MYH10: variants seen among roughly 807,000 people sequenced by gnomAD.
MYH10 encodes the protein myosin heavy chain 10.
MYH10 carries 55 observed loss-of-function variants against 257.8 expected under a neutral mutation model. That is an observed-to-expected ratio of 0.21 (90% CI 0.17 to 0.27). MYH10 has a LOEUF of 0.27. Among genes scored for constraint, MYH10 ranks in the 10% least tolerant of loss-of-function variants. MYH10 has a pLI of 1.00. For missense variants in MYH10, 1,631 were observed against 2,500.6 expected (o/e 0.65, Z 7.42); for synonymous variants, 854 against 921.7 (o/e 0.93, Z 1.33).
chr17:8,568,190 C>T (rs1483510813), intron 7 of MYH10, among the ~76,000 whole-genome samples: 1 of 152,262 alleles, frequency 6.6e-6, no homozygotes, highest in South Asian at 2.1e-4. Flanking sequence ...GGCACGCAGC[C>T]GAACTTGGGT....
In MYH10 at chr17:8,594,457, C is replaced by G. The variant is rs77008895; in HGVS notation, c.503-5349G>C. On this transcript the variant is annotated intron_variant, in intron 3 of 42. Coordinates refer to ENST00000360416, the MANE Select transcript of MYH10 (RefSeq NM_001256012.3). ...CAAGGGCTAACAAGGATGGCGAACA[C>G]CTGGAATTCATCTATTGCTGGTAGA... 9.2e-3 allele frequency among the ~76,000 whole-genome samples: 1,399 copies of G among 152,252 alleles called. 20 individuals carry two copies. Among genetic ancestry groups the G allele is most frequent in the African/African-American group, 0.03 (1,264 of 41,544 alleles).
In MYH10 at chr17:8,582,114, A is replaced by G. The variant is rs754218497; in HGVS notation, c.531-4776T>C. Among the ~76,000 whole-genome samples the G allele has an allele frequency of 2.6e-4, 40 of 152,340 alleles. No individual in the cohort carries two copies. In the Middle Eastern group the frequency reaches 0.01, roughly 39 times the overall value. ...GATGAAGATGGTAATGGAAATTTTTAAAATCTGATTTTAATGAAGGAGGTG... is the reference window on the plus strand; with the variant it reads ...GATGAAGATGGTAATGGAAATTTTTGAAATCTGATTTTAATGAAGGAGGTG... On this transcript the variant is annotated intron_variant, in intron 4 of 42. Coordinates refer to ENST00000360416, the MANE Select transcript of MYH10 (RefSeq NM_001256012.3).
rs1169804380 is a variant in MYH10, at chr17:8,477,623, G to A, written c.5707-575C>T. ...CGCACACCACCCTCAACTGTGCTCC[G>A]TGTTGCTAGGCCCCAAGGGTGGGGG... On this transcript the variant is annotated intron_variant, in intron 41 of 42. Coordinates refer to ENST00000360416, the MANE Select transcript of MYH10 (RefSeq NM_001256012.3). This position sits in a 1 kb window ranked among gnomAD's most constrained non-coding sequence, Gnocchi z 4.2. 6.6e-6 allele frequency among the ~76,000 whole-genome samples: 1 copy of A among 152,128 alleles called. No individual in the cohort carries two copies. Among genetic ancestry groups the A allele is most frequent in the Non-Finnish European group, 1.5e-5 (1 of 68,024 alleles).
rs1031985824 is a variant in MYH10, at chr17:8,509,947, G to A, written c.2955C>T (p.Asp985=). ...CCTCCTCGTCTAGCTGTTCTTCCAG[G>A]TCCTTGTGAAGAACACACAGTCAGT... is the stretch of plus-strand genomic sequence containing the variant. ...EKKKMQAHIQ[D]LEEQLDEEEG... The change falls in exon 25 of 43, where the codon GAC becomes GAT. Residue 985 remains aspartate, a splice_region_variant and synonymous_variant. Coordinates refer to ENST00000360416, the MANE Select transcript of MYH10 (RefSeq NM_001256012.3). 2.5e-6 allele frequency: 4 copies of A among 1,608,840 alleles called. No individual in the cohort carries two copies. The East Asian group carries it at 6.7e-5, about 27-fold the overall frequency.
chr17:8,494,048 T>C lies in MYH10; in HGVS notation c.4057-163A>G, dbSNP rs571243314. 3.7e-5 allele frequency: 30 copies of C among 812,324 alleles called. No homozygotes were observed. In the South Asian group the frequency reaches 5.3e-4, roughly 14 times the overall value. The allele number at this position is 812,324 out of a possible 1,614,324, so 50.3% of individuals were successfully genotyped here. ...TGATTTAAAAACACACACGATAACT[T>C]TGTAAAAGCTCTTCACACCAACACT... is the stretch of plus-strand genomic sequence containing the variant. On this transcript the variant is annotated intron_variant, in intron 31 of 42. Transcript: ENST00000360416.
At chr17:8,611,035 C>T (rs969848862) in intron 2 of MYH10, among the ~76,000 whole-genome samples, 13 of 152,130 alleles carry the variant, frequency 8.5e-5, no homozygotes, top group African/African-American at 1.7e-4. Flanking sequence ...TCCCAAAACC[C>T]GTTGCTGAGA....
At chr17:8,607,079 C>A (rs893453047) in intron 2 of MYH10, among the ~76,000 whole-genome samples, 2 of 152,180 alleles carry the variant, frequency 1.3e-5, no homozygotes, top group South Asian at 4.1e-4. Flanking sequence ...GGAGAGGCAA[C>A]CTCAATACCT....
chr17:8,516,298 T>A (rs1271047987), intron 21 of MYH10, among the ~76,000 whole-genome samples: 1 of 152,236 alleles, frequency 6.6e-6, no homozygotes, highest in Non-Finnish European at 1.5e-5. Context: ...CTCAAGTTCA[T>A]GGATTTCTGT....
At chr17:8,565,982 T>C (rs2083153864) in intron 7 of MYH10, among the ~76,000 whole-genome samples, 1 of 152,198 alleles carries the variant, frequency 6.6e-6, no homozygotes, top group Non-Finnish European at 1.5e-5. Flanking sequence ...GCAGGGTTTC[T>C]CGATCTTAGC....
intron 24 of MYH10, chr17:8,511,053 T>TAC (rs2081269071): frequency 6.1e-5 from 3 of 49,468 alleles, no homozygotes; most frequent in South Asian, 1.3e-3. Context: ...TATATATATA[T>TAC]ATATATACAC....
intron 30 of MYH10, 39 bp from the exon 31 acceptor site, chr17:8,495,280 G>T: frequency 7.7e-7 from 1 of 1,303,904 alleles, no homozygotes; most frequent in Non-Finnish European, 1.1e-6. Context: ...TCAATAGTAA[G>T]CAAGCAGAAA....
intron 13 of MYH10, among the ~76,000 whole-genome samples, chr17:8,544,162 T>A (rs1240909986): frequency 2.0e-5 from 3 of 152,218 alleles, no homozygotes; most frequent in Admixed American, 2.0e-4. Flanking sequence ...AGGTGGGCAT[T>A]TAGGCTTTTT....
intron 4 of MYH10, among the ~76,000 whole-genome samples, chr17:8,579,424 C>A (rs1201652551): frequency 3.3e-5 from 5 of 152,172 alleles, no homozygotes; most frequent in Admixed American, 6.5e-5. Flanking sequence ...GGTGAAGGAA[C>A]CCTAGTGACC....
chr17:8,543,253 T>C (rs1042659600), intron 13 of MYH10, among the ~76,000 whole-genome samples: 2 of 152,172 alleles, frequency 1.3e-5, no homozygotes, highest in African/African-American at 4.8e-5. Flanking sequence ...ACTCCAATCT[T>C]TTCCATTCTC....
intron 14 of MYH10, among the ~76,000 whole-genome samples, chr17:8,538,883 G>C (rs2082216794): frequency 6.6e-6 from 1 of 152,156 alleles, no homozygotes; most frequent in Non-Finnish European, 1.5e-5. Context: ...TGGAAACCTG[G>C]TTCCTAATGC....
intron 9 of MYH10, 129 bp from the exon 10 acceptor site, chr17:8,548,916 G>GT (rs56847654): frequency 8.4e-5 from 55 of 658,114 alleles, no homozygotes; most frequent in Admixed American, 3.2e-4. Flanking sequence ...CCAGCAAAAT[G>GT]TTTTTTTTCT....
At position 8,504,900 on chromosome 17, in the gene MYH10, A is replaced by C; in HGVS notation, c.3393T>G (p.Asp1131Glu). The C allele has an allele frequency of 1.2e-6, 2 of 1,614,024 alleles. No individual in the cohort carries two copies. Among genetic ancestry groups the C allele is most frequent in the Non-Finnish European group, 1.7e-6 (2 of 1,179,920 alleles). Residue 1131 changes from aspartate to glutamate, a missense_variant, in exon 28 of 43, where the codon GAT (aspartate) becomes GAG (glutamate). Coordinates refer to ENST00000360416, the MANE Select transcript of MYH10 (RefSeq NM_001256012.3). The surrounding 1 kb of genome is among the most constrained non-coding windows in gnomAD (Gnocchi z 5.6). ...EELQGALARG[D>E]DETLHKNNAL... ...CATTGTTCTTATGGAGTGTTTCATC[A>C]TCACCTCTGTTAAAACACCCAGGCG...
At chr17:8,483,434 C>T (rs1485201705) in intron 37 of MYH10, among the ~76,000 whole-genome samples, 1 of 152,184 alleles carries the variant, frequency 6.6e-6, no homozygotes, top group African/African-American at 2.4e-5. Flanking sequence ...TTGTTCATTC[C>T]TGACACCTAG....
In MYH10 at chr17:8,561,540, G is replaced by A. The variant is rs538473868; in HGVS notation, c.757-7522C>T. On this transcript the variant is annotated intron_variant, in intron 7 of 42. Coordinates refer to ENST00000360416, the MANE Select transcript of MYH10 (RefSeq NM_001256012.3). ...CACCCCCACCCCGATTTAGACCTGC[G>A]GGTGCTGCCCCATGTCTCCCACCAA... The A allele has an allele frequency of 2.5e-4, 323 of 1,283,444 alleles. No individual in the cohort carries two copies. The South Asian group carries it at 3.2e-3, about 13-fold the overall frequency. 79.5% of individuals were successfully genotyped at this position (1,283,444 alleles called of 1,614,324 possible).
Sources: allele counts gnomAD v4.1 joint callset (sites outside exome capture counted in the v4.1 genomes callset), GRCh38; gene constraint gnomAD v4.1.1; non-coding constraint Gnocchi (gnomAD v3.1); transcripts MANE v1.5; gene names NCBI Gene and HGNC (gene_info 2026-07-23, HGNC 2026-07-21).